Variants in PHF3 observed in about 807,000 individuals in gnomAD.
The protein encoded by PHF3 is PHD finger protein 3.
Under a neutral mutation model 178.4 loss-of-function variants are expected in PHF3, and 41 were observed. That is an observed-to-expected ratio of 0.23 (90% CI 0.18 to 0.30). PHF3 has a LOEUF of 0.30. Ranked by LOEUF, PHF3 falls within the 10% of genes least tolerant of loss-of-function variation. The pLI, the probability that PHF3 is intolerant of heterozygous loss-of-function variation, is 1.00. For synonymous variants in PHF3, 842 were observed against 800.5 expected (o/e 1.05, Z -0.88); for missense variants, 2,346 against 2,398.1 (o/e 0.98, Z 0.45).
rs1230620025 is a variant in PHF3 at position 63,712,985 on chromosome 6, G to A, written c.5397G>A (p.Arg1799=). The change falls in exon 16 of 16, where the codon AGG becomes AGA. Residue 1799 remains arginine, a synonymous_variant. Transcript: ENST00000262043. Reference sequence around the variant, plus strand: ...CAAGTACAAACTTTTCACCCATGAGGCCACAGCAGCCCAACCTTCAGCATC... The same window carrying A: ...CAAGTACAAACTTTTCACCCATGAGACCACAGCAGCCCAACCTTCAGCATC... ...PRTSTNFSPM[R]PQQPNLQHLK... 2 of 1,613,938 alleles carry A rather than the reference G, an allele frequency of 1.2e-6. No individual in the cohort carries two copies. Among genetic ancestry groups the A allele is most frequent in the East Asian group, 2.2e-5 (1 of 44,870 alleles).
chr6:63,668,134 T>A (rs561003125), intron 2 of PHF3, among the ~76,000 whole-genome samples: 1 of 152,358 alleles, frequency 6.6e-6, no homozygotes, highest in Admixed American at 6.5e-5. Flanking sequence ...ACTTTTCTTT[T>A]ACATTTATTT....
At chr6:63,658,901 G>T (rs566954733) in intron 2 of PHF3, among the ~76,000 whole-genome samples, 1 of 152,228 alleles carries the variant, frequency 6.6e-6, no homozygotes, top group Non-Finnish European at 1.5e-5. Context: ...GTTGCAGTTT[G>T]AGTCCAAAGG....
At chr6:63,688,949 A>G (rs980964388) in intron 4 of PHF3, among the ~76,000 whole-genome samples, 2 of 152,204 alleles carry the variant, frequency 1.3e-5, no homozygotes, top group African/African-American at 4.8e-5. Flanking sequence ...TACGTATTGC[A>G]GTTGAAGTTA....
chr6:63,640,085 T>A (rs1764509003), intron 1 of PHF3, among the ~76,000 whole-genome samples: 1 of 152,230 alleles, frequency 6.6e-6, no homozygotes, highest in Non-Finnish European at 1.5e-5. Context: ...ACCAGATACA[T>A]TTAGAAAAGT....
At chr6:63,700,946 G>T (rs1156947600) in intron 9 of PHF3, among the ~76,000 whole-genome samples, 1 of 151,868 alleles carries the variant, frequency 6.6e-6, no homozygotes, top group African/African-American at 2.4e-5. Context: ...ATCTTGTCAG[G>T]TTTTTTTCTC....
rs1039599195 is a variant in PHF3, at chr6:63,724,598, A to C, written c.*10890A>C. ...TATCAAAAATCTTTTAAAGGTGTTA[A>C]ATTTTTAGCAGAAATAGATGAAAAG... On this transcript the variant is annotated 3_prime_UTR_variant, in exon 16 of 16. Coordinates refer to ENST00000262043, the MANE Select transcript of PHF3 (RefSeq NM_001370348.2). Among the ~76,000 whole-genome samples, 1 of 152,114 alleles carries C rather than the reference A, an allele frequency of 6.6e-6. No individual in the cohort carries two copies. The highest frequency in any genetic ancestry group is 6.6e-5 in the Admixed American group (1 of 15,254).
Position 63,685,795 on chromosome 6 carries a change from A to G in PHF3, c.2073A>G (p.Pro691=). ...FSLDEPPLFI[P]DNIATIRREG... ...TAGATGAGCCACCATTGTTCATTCC[A>G]GATAACATAGCTACCATAAGAAGAG... The change falls in exon 4 of 16, where the codon CCA becomes CCG. Residue 691 remains proline, a synonymous_variant. Transcript: ENST00000262043. 1 of 1,614,014 alleles carries G rather than the reference A, an allele frequency of 6.2e-7. No individual in the cohort carries two copies.
intron 1 of PHF3, among the ~76,000 whole-genome samples, chr6:63,643,442 CATTT>C (rs1764658950): frequency 6.6e-6 from 1 of 152,106 alleles, no homozygotes; most frequent in Admixed American, 6.5e-5. Context: ...TATTCTGACT[CATTT>C]ATAACAATTT....
In PHF3 at chr6:63,721,240, G is replaced by C. The variant is rs774179534; in HGVS notation, c.*7532G>C. On this transcript the variant is annotated 3_prime_UTR_variant, in exon 16 of 16. Transcript: ENST00000262043. ...CACAGGCAACTGTAAGAAAATGATT[G>C]GTCAGGTATACATAAAGATTGGTGG... is the stretch of plus-strand genomic sequence containing the variant. The C allele has an allele frequency of 1.8e-5, 28 of 1,551,610 alleles. No individual in the cohort carries two copies. The highest frequency in any genetic ancestry group is 2.0e-5 in the Non-Finnish European group (23 of 1,146,926).
chr6:63,680,308 A>G, intron 3 of PHF3, 147 bp downstream of exon 3: 1 of 635,266 alleles, frequency 1.6e-6, no homozygotes, highest in Non-Finnish European at 2.5e-6. Flanking sequence ...GATCATATCA[A>G]TTTGTTGTAT....
chr6:63,704,239 A>G (rs1396689148), intron 11 of PHF3, among the ~76,000 whole-genome samples: 1 of 152,100 alleles, frequency 6.6e-6, no homozygotes, highest in Non-Finnish European at 1.5e-5. Context: ...ACCTACATTG[A>G]AAAATAATGA....
At chr6:63,691,685 G>A in intron 4 of PHF3, 52 bp from the exon 5 acceptor site, 2 of 1,420,286 alleles carry the variant, frequency 1.4e-6, no homozygotes, top group Non-Finnish European at 1.9e-6. Flanking sequence ...TTTTGACATA[G>A]ATTTTCTTGT....
chr6:63,696,983 A>G (rs1767256416), intron 6 of PHF3, among the ~76,000 whole-genome samples: 1 of 152,184 alleles, frequency 6.6e-6, no homozygotes, highest in Admixed American at 6.5e-5. Flanking sequence ...AGTAGTTAGA[A>G]GTGGATGTGA....
intron 4 of PHF3, among the ~76,000 whole-genome samples, chr6:63,686,696 C>T (rs1335484456): frequency 6.6e-6 from 1 of 152,118 alleles, no homozygotes; most frequent in Non-Finnish European, 1.5e-5. Flanking sequence ...TTATTCTGTT[C>T]AAGTGTTCAT....
rs755427513 is a variant in PHF3 at position 63,685,667 on chromosome 6, C to T, written c.1945C>T (p.His649Tyr). 3.1e-6 allele frequency: 5 copies of T among 1,613,958 alleles called. No homozygotes were observed. The highest frequency in any genetic ancestry group is 3.4e-6 in the Non-Finnish European group (4 of 1,180,006). ...TAGTCACGTGAAGGAAGAGCTTGAACACCCAGGCGTTGAGCATTTTAAGGA... is the reference window on the plus strand; with the variant it reads ...TAGTCACGTGAAGGAAGAGCTTGAATACCCAGGCGTTGAGCATTTTAAGGA... ...TNSHVKEELE[H>Y]PGVEHFKEED... Residue 649 changes from histidine (H) to tyrosine (Y), a missense_variant, in exon 4 of 16, where the codon CAC (histidine) becomes TAC (tyrosine). This residue lies in a region of PHF3 where 843 missense variants were observed against 795.2 expected (regional missense o/e 1.06). Transcript: ENST00000262043.
rs182318064 is a variant in PHF3 at position 63,647,331 on chromosome 6, G to T, written c.244+536G>T. On this transcript the variant is annotated intron_variant, in intron 2 of 15. Coordinates refer to ENST00000262043, the MANE Select transcript of PHF3 (RefSeq NM_001370348.2). ...AGAGAAAGAACTCTATACCTCTGCT[G>T]CCCTGGACAGTAAACACTAGCCACA... is the stretch of plus-strand genomic sequence containing the variant. 3.3e-5 allele frequency among the ~76,000 whole-genome samples: 5 copies of T among 152,214 alleles called. No homozygotes were observed. The East Asian group carries it at 9.7e-4, about 29-fold the overall frequency.
In PHF3 at chr6:63,680,157, A is replaced by G; in HGVS notation, c.402A>G (p.Ala134=). The change falls in exon 3 of 16, where the codon GCA becomes GCG. Residue 134 remains alanine, a synonymous_variant. Transcript: ENST00000262043. The stretch of plus-strand genomic sequence containing the variant: ...CAAGAAAATCACCTCGTTTAATGGC[A>G]CAAGGTAATCCTTTGAGAGAGGTCT... The part of the protein sequence containing the change: ...RSPRKSPRLM[A]QEQVRSLRQS... 1 of 1,603,762 alleles carries G rather than the reference A, an allele frequency of 6.2e-7. No individual in the cohort carries two copies. The highest frequency in any genetic ancestry group is 8.5e-7 in the Non-Finnish European group (1 of 1,175,892).
chr6:63,718,157 T>C lies in PHF3; in HGVS notation c.*4449T>C, dbSNP rs1768245709. Among the ~76,000 whole-genome samples, 1 of 152,036 alleles carries C rather than the reference T, an allele frequency of 6.6e-6. No individual in the cohort carries two copies. Among genetic ancestry groups the C allele is most frequent in the Non-Finnish European group, 1.5e-5 (1 of 67,954 alleles). ...ATTTATAGGAGAAAAGGCAGCAGTT[T>C]TCAGTTCTTAAATATTGTCTGCCTA... On this transcript the variant is annotated 3_prime_UTR_variant, in exon 16 of 16. Coordinates refer to ENST00000262043, the MANE Select transcript of PHF3 (RefSeq NM_001370348.2).
intron 1 of PHF3, among the ~76,000 whole-genome samples, chr6:63,642,487 A>G (rs1764617718): frequency 6.6e-6 from 1 of 152,248 alleles, no homozygotes; most frequent in South Asian, 2.1e-4. Context: ...GTATGAGTAA[A>G]TGAATAATTT....
Sources: allele counts gnomAD v4.1 joint callset (sites outside exome capture counted in the v4.1 genomes callset), GRCh38; gene constraint gnomAD v4.1.1; regional missense constraint gnomAD v4.1.1; transcripts MANE v1.5; gene names NCBI Gene and HGNC (gene_info 2026-07-23, HGNC 2026-07-21).